Variants in GABRR3 observed in about 807,000 individuals in gnomAD.
The protein encoded by GABRR3 is gamma-aminobutyric acid type A receptor subunit rho3.
A neutral mutation model predicts 43.2 loss-of-function variants in GABRR3; 29 were observed. The observed-to-expected ratio is 0.67, with a 90% CI of 0.50 to 0.92. The LOEUF is 0.92. Ranked by LOEUF, GABRR3 falls within the 40% of genes least tolerant of loss-of-function variation. The pLI is 0.00. For synonymous variants in GABRR3, 206 were observed against 195.9 expected, an observed-to-expected ratio of 1.05 and a Z score of -0.43; for missense variants, 576 against 572.3, an observed-to-expected ratio of 1.01 and a Z score of -0.07.
intron 8 of GABRR3, among the ~76,000 whole-genome samples, chr3:97,995,197 A>T (rs1706520053): frequency 6.6e-6 from 1 of 152,060 alleles, no homozygotes; most frequent in Non-Finnish European, 1.5e-5. Context: ...GGCTGGTCTC[A>T]AAATCCCAAC....
chr3:98,027,396 T>C (rs73142833), intron 2 of GABRR3, among the ~76,000 whole-genome samples: 14 of 152,366 alleles, frequency 9.2e-5, no homozygotes, highest in Non-Finnish European at 1.9e-4. Flanking sequence ...AATGGAAATG[T>C]AACTATGAGT....
chr3:98,029,781 T>A (rs1158830351), intron 2 of GABRR3, among the ~76,000 whole-genome samples: 1 of 152,126 alleles, frequency 6.6e-6, no homozygotes, highest in Non-Finnish European at 1.5e-5. Context: ...TCTATTAAAT[T>A]AGCAAAAGAC....
intron 9 of GABRR3, among the ~76,000 whole-genome samples, chr3:97,990,341 ACTT>A (rs201941578): frequency 0.021 from 3,108 of 151,204 alleles, 43 homozygotes; most frequent in Admixed American, 0.042. Flanking sequence ...TGCCATCAAG[ACTT>A]CTTCTTTTTT....
At chr3:98,032,453 A>G (rs1348680948) in intron 2 of GABRR3, among the ~76,000 whole-genome samples, 1 of 152,190 alleles carries the variant, frequency 6.6e-6, no homozygotes, top group African/African-American at 2.4e-5. Context: ...CAGCACTTGC[A>G]TGTAAATATC....
At chr3:97,998,822 T>C (rs1051285997) in intron 8 of GABRR3, 3 of 152,188 alleles carry the variant, frequency 2.0e-5, no homozygotes, top group East Asian at 1.9e-4. Flanking sequence ...AAAATAATTA[T>C]GCTTCATACA....
intron 9 of GABRR3, among the ~76,000 whole-genome samples, chr3:97,987,311 C>T (rs543886595): frequency 9.9e-5 from 15 of 152,260 alleles, no homozygotes; most frequent in African/African-American, 3.6e-4. Flanking sequence ...ATAAATGATC[C>T]TAACATGGCC....
At chr3:98,030,725 C>T (rs543357841) in intron 2 of GABRR3, among the ~76,000 whole-genome samples, 10 of 152,294 alleles carry the variant, frequency 6.6e-5, no homozygotes, top group African/African-American at 2.4e-4. Flanking sequence ...AGAAGCATGG[C>T]CTCTTGATAA....
intron 2 of GABRR3, among the ~76,000 whole-genome samples, chr3:98,027,586 C>T (rs752328859): frequency 7.2e-5 from 11 of 152,260 alleles, no homozygotes; most frequent in Non-Finnish European, 1.0e-4. Flanking sequence ...CTCTTGGCAG[C>T]GTGCGAAAGC....
At chr3:97,998,836 T>G (rs1706594832) in intron 8 of GABRR3, 2 of 152,182 alleles carry the variant, frequency 1.3e-5, no homozygotes, top group African/African-American at 4.8e-5. Context: ...TCATACAATG[T>G]TACCATGTTA....
rs147961135 is a variant in GABRR3 at position 98,022,310 on chromosome 3, T to C, written c.238+3257A>G. On this transcript the variant is annotated intron_variant, in intron 3 of 9. Transcript: ENST00000621172. ...TCCCCTAAATTTATATCCTCCTGTTTCCACATAATGAGTCAATTAATCTTC... is the reference window on the plus strand; with the variant it reads ...TCCCCTAAATTTATATCCTCCTGTTCCCACATAATGAGTCAATTAATCTTC... Among the ~76,000 whole-genome samples the C allele has an allele frequency of 3.4e-3, 523 of 152,358 alleles. 2 individuals are homozygous for C. The highest frequency in any genetic ancestry group is 0.012 in the African/African-American group (509 of 41,580).
At chr3:98,031,004 C>T (rs1006242887) in intron 2 of GABRR3, among the ~76,000 whole-genome samples, 11 of 152,160 alleles carry the variant, frequency 7.2e-5, no homozygotes, top group Admixed American at 2.6e-4. Flanking sequence ...ATCTTTATTT[C>T]CAGGCTCTGG....
chr3:98,011,654 A>G (rs1283243879), intron 5 of GABRR3, among the ~76,000 whole-genome samples: 1 of 152,062 alleles, frequency 6.6e-6, no homozygotes, highest in African/African-American at 2.4e-5. Flanking sequence ...CACAGGTTCC[A>G]GGAATTAGGA....
intron 5 of GABRR3, among the ~76,000 whole-genome samples, chr3:98,011,296 A>G (rs1706788479): frequency 6.6e-6 from 1 of 152,240 alleles, no homozygotes; most frequent in Non-Finnish European, 1.5e-5. Flanking sequence ...GTGGTTTAAT[A>G]CAACAGAAAT....
intron 3 of GABRR3, among the ~76,000 whole-genome samples, chr3:98,019,087 G>T (rs1164397866): frequency 6.6e-6 from 1 of 151,176 alleles, no homozygotes; most frequent in East Asian, 1.9e-4. Flanking sequence ...TCCAGTCTGG[G>T]TGACAGAGCT....
At position 98,012,528 on chromosome 3, in the gene GABRR3, C is replaced by A. The variant is rs777321170; in HGVS notation, c.346G>T (p.Asp116Tyr). ...GTGCTAGGAAAGGAGAGCCTCTCGT[C>A]TTTCCAGTAATGCCTGAGATAAAAA... The change falls in exon 5 of 10, where the codon GAC (aspartate) becomes TAC (tyrosine). Residue 116 changes from aspartate (D) to tyrosine (Y), a missense_variant. Asp to Tyr is a radical substitution (Grantham distance 160, BLOSUM62 -3). Coordinates refer to ENST00000621172, the Ensembl canonical transcript of GABRR3. 5.0e-6 allele frequency: 8 copies of A among 1,613,800 alleles called. No homozygotes were observed. The Admixed American group carries it at 1.2e-4, about 24-fold the overall frequency.
chr3:97,986,093 T>C (rs1442114361), downstream of GABRR3, among the ~76,000 whole-genome samples: 1 of 152,182 alleles, frequency 6.6e-6, no homozygotes, highest in East Asian at 1.9e-4. Context: ...CTTGAACTCC[T>C]GACCTCAAAT....
chr3:98,034,815 G>C (rs771213955), intron 2 of GABRR3, 48 bp downstream of exon 2: 1 of 1,605,494 alleles, frequency 6.2e-7, no homozygotes, highest in South Asian at 1.1e-5. Flanking sequence ...GACAACTGTT[G>C]AGAGAAACTG....
chr3:97,992,860 T>C (rs1576035534), exon 9 of GABRR3: 1 of 1,606,702 alleles, frequency 6.2e-7, no homozygotes, highest in South Asian at 1.1e-5. Flanking sequence ...ACCTTTCCTG[T>C]CTTCTTGAAT....
At position 98,035,004 on chromosome 3, in the gene GABRR3, A is replaced by T; in HGVS notation, c.-2-15T>A. The T allele has an allele frequency of 1.1e-5, 18 of 1,609,328 alleles. No individual in the cohort carries two copies. The highest frequency in any genetic ancestry group is 1.4e-5 in the Non-Finnish European group (17 of 1,177,292). On this transcript the variant is annotated splice_polypyrimidine_tract_variant and intron_variant, in intron 1 of 9. Transcript: ENST00000621172. ...CAGGACCATCTCTTCCAAAACAAAA[A>T]AACAGAAAGGATGCAGGTGAACGCA...
Sources: allele counts gnomAD v4.1 joint callset (sites outside exome capture counted in the v4.1 genomes callset), GRCh38; gene constraint gnomAD v4.1.1; transcripts MANE v1.5; gene names NCBI Gene and HGNC (gene_info 2026-07-23, HGNC 2026-07-21).